Variants in DNAH12 observed in about 807,000 individuals in gnomAD.
DNAH12 encodes axonemal beta dynein heavy chain 12.
DNAH12 carries 285 observed loss-of-function variants against 371.5 expected under a neutral mutation model. That is an observed-to-expected ratio of 0.77 (90% CI 0.70 to 0.85). The LOEUF is 0.85. Ranked by LOEUF, DNAH12 falls within the 40% of genes least tolerant of loss-of-function variation. The pLI, the probability that DNAH12 is intolerant of heterozygous loss-of-function variation, is 0.00. For missense variants in DNAH12, 3,611 were observed against 3,689.4 expected, an observed-to-expected ratio of 0.98 and a Z score of 0.55; for synonymous variants, 1,200 against 1,213.0, an observed-to-expected ratio of 0.99 and a Z score of 0.22.
chr3:57,347,219 A>C (rs1559575747), intron 60 of DNAH12, among the ~76,000 whole-genome samples: 2 of 152,220 alleles, frequency 1.3e-5, no homozygotes, highest in African/African-American at 2.4e-5. Context: ...CCTCAACAAA[A>C]GGAACAAAAT....
Position 57,314,584 on chromosome 3 carries a change from C to A in DNAH12, c.10572G>T (p.Val3524=), listed in dbSNP as rs1359142497. 12 of 1,550,952 alleles carry A rather than the reference C, an allele frequency of 7.7e-6. No homozygotes were observed. Among genetic ancestry groups the A allele is most frequent in the Non-Finnish European group, 9.6e-6 (11 of 1,146,822 alleles). ...LFGVCFFHAL[V]QERKKFGPLG... is the part of the protein sequence containing the mutation. ...GAGGACCAAATTTCTTTCTCTCTTG[C>A]ACAAGGGCATGAAAAAAACAAACTC... The change falls in exon 66 of 74, where the codon GTG becomes GTT. Residue 3524 remains valine (V), a synonymous_variant. Coordinates refer to ENST00000495027, the MANE Select transcript of DNAH12 (RefSeq NM_001366028.2).
chr3:57,538,469 C>T (rs529789774), intron 2 of DNAH12, among the ~76,000 whole-genome samples: 1 of 152,300 alleles, frequency 6.6e-6, no homozygotes, highest in Admixed American at 6.5e-5. Flanking sequence ...CATTCATCAA[C>T]AATAACATGC....
At chr3:57,418,310 T>A (rs62252863) in intron 37 of DNAH12, among the ~76,000 whole-genome samples, 1 of 136,126 alleles carries the variant, frequency 7.3e-6, no homozygotes, top group African/African-American at 2.6e-5. Context: ...GAGGCTGAGG[T>A]GGGTGGATTG....
At position 57,501,312 on chromosome 3, in the gene DNAH12, A is replaced by G. The variant is rs749936732; in HGVS notation, c.1335+9T>C. 6.3e-7 allele frequency: 1 copy of G among 1,596,102 alleles called. No homozygotes were observed. Among genetic ancestry groups the G allele is most frequent in the Non-Finnish European group, 8.5e-7 (1 of 1,172,214 alleles). ...AAAACGCATTAATAAAAACAGAATT[A>G]CCGCTTACCTCTGTATATTCATCAA... On this transcript the variant is annotated intron_variant, in intron 11 of 73. Transcript: ENST00000495027.
At chr3:57,369,636 C>T (rs904853615) in intron 55 of DNAH12, among the ~76,000 whole-genome samples, 1 of 152,034 alleles carries the variant, frequency 6.6e-6, no homozygotes, top group East Asian at 1.9e-4. Context: ...ATCTACTTTT[C>T]CTACCACAGC....
chr3:57,555,722 T>C, the DNAH12 span, among the ~76,000 whole-genome samples: 2 of 152,266 alleles, frequency 1.3e-5, no homozygotes, highest in Non-Finnish European at 2.9e-5. Flanking sequence ...GTTTCTCGCA[T>C]AGTCTGCGCT....
At chr3:57,448,484 G>GA (rs2065614450) in intron 25 of DNAH12, among the ~76,000 whole-genome samples, 1 of 152,158 alleles carries the variant, frequency 6.6e-6, no homozygotes. Flanking sequence ...TGGTCTCGCT[G>GA]GCTTCAGGAG....
Position 57,454,783 on chromosome 3 carries a change from C to T in DNAH12, c.3448G>A (p.Gly1150Arg), listed in dbSNP as rs200866016. The change falls in exon 23 of 74, where the codon GGG becomes AGG. Residue 1150 changes from glycine to arginine, a missense_variant. Around this residue, in one of 3 missense-constraint regions of DNAH12, gnomAD observed 1,314 missense variants for 1,398.7 expected, o/e 0.94. Coordinates refer to ENST00000495027, the MANE Select transcript of DNAH12 (RefSeq NM_001366028.2). ...AGCAAACAATGCTTTACCTCCGTCC[C>T]GCCACTTATCACTTCCTGTGTCTCA... Reference protein sequence around the residue: ...TSETQEVISGGTEGLKKYYKE... With the variant: ...TSETQEVISGRTEGLKKYYKE... 3.4e-5 allele frequency: 52 copies of T among 1,551,076 alleles called. No individual in the cohort carries two copies. The highest frequency in any genetic ancestry group is 4.0e-5 in the Non-Finnish European group (46 of 1,146,742).
intron 69 of DNAH12, among the ~76,000 whole-genome samples, chr3:57,307,198 C>G (rs546273661): frequency 3.4e-4 from 51 of 149,760 alleles, no homozygotes; most frequent in African/African-American, 1.2e-3. Flanking sequence ...AAAACAACAA[C>G]TCCTTTCCTT....
chr3:57,299,780 C>T (rs2061308233), intron 70 of DNAH12, among the ~76,000 whole-genome samples: 1 of 105,554 alleles, frequency 9.5e-6, no homozygotes, highest in African/African-American at 4.3e-5. Context: ...TGATCTCAGA[C>T]TTTCCAGCCT....
intron 25 of DNAH12, 141 bp from the exon 26 acceptor site, chr3:57,446,830 A>C: frequency 2.2e-6 from 2 of 900,010 alleles, no homozygotes; most frequent in Non-Finnish European, 3.0e-6. Context: ...TTTTAGCCCA[A>C]ATTTTTCTAG....
Position 57,498,892 on chromosome 3 carries a change from G to A in DNAH12, c.1335+2429C>T, listed in dbSNP as rs111898897. 6.7e-3 allele frequency among the ~76,000 whole-genome samples: 1,012 copies of A among 152,042 alleles called. 12 individuals carry two copies. The highest frequency in any genetic ancestry group is 0.023 in the African/African-American group (939 of 41,466). On this transcript the variant is annotated intron_variant, in intron 11 of 73. Coordinates refer to ENST00000495027, the MANE Select transcript of DNAH12 (RefSeq NM_001366028.2). ...TGGGTGCCTGTAATCCCAGCTACTC[G>A]GGCGGCTGAAGCAGGAGAATGGCTT...
intron 45 of DNAH12, among the ~76,000 whole-genome samples, chr3:57,387,587 C>T (rs36138202): frequency 6.6e-6 from 1 of 152,058 alleles, no homozygotes; most frequent in East Asian, 1.9e-4. Context: ...GCCCCTTCTT[C>T]CTTAGGACTC....
chr3:57,549,281 T>G (rs2069599995), upstream of DNAH12, among the ~76,000 whole-genome samples: 1 of 151,934 alleles, frequency 6.6e-6, no homozygotes, highest in Non-Finnish European at 1.5e-5. Flanking sequence ...TTTAGGAGAT[T>G]GAGGCAGGCA....
At chr3:57,329,905 C>T (rs113565781) in intron 62 of DNAH12, among the ~76,000 whole-genome samples, 1,582 of 152,186 alleles carry the variant, frequency 0.01, 19 homozygotes, top group African/African-American at 0.036. Flanking sequence ...GGGCAAAGGA[C>T]ATGAACAGAC....
intron 62 of DNAH12, among the ~76,000 whole-genome samples, chr3:57,326,241 C>T (rs1407761101): frequency 6.6e-6 from 1 of 151,724 alleles, no homozygotes; most frequent in Admixed American, 6.6e-5. Context: ...AAGAGCAACT[C>T]CAAGACACAT....
At chr3:57,345,680 G>C (rs2062523935) in intron 60 of DNAH12, among the ~76,000 whole-genome samples, 4 of 152,124 alleles carry the variant, frequency 2.6e-5, no homozygotes, top group African/African-American at 9.6e-5. Context: ...GTTATGATTT[G>C]ATGCTGCATC....
At chr3:57,361,420 A>ACT (rs2062927148) in intron 58 of DNAH12, among the ~76,000 whole-genome samples, 1 of 139,750 alleles carries the variant, frequency 7.2e-6, no homozygotes, top group African/African-American at 2.8e-5. Flanking sequence ...ATACACACAC[A>ACT]CTATATATAT....
chr3:57,332,505 G>C (rs574676140), intron 62 of DNAH12, among the ~76,000 whole-genome samples: 1 of 152,332 alleles, frequency 6.6e-6, no homozygotes, highest in East Asian at 1.9e-4. Context: ...AAAACAAACT[G>C]AACGCTATTC....
Sources: allele counts gnomAD v4.1 joint callset (sites outside exome capture counted in the v4.1 genomes callset), GRCh38; gene constraint gnomAD v4.1.1; regional missense constraint gnomAD v4.1.1; transcripts MANE v1.5; gene names NCBI Gene and HGNC (gene_info 2026-07-23, HGNC 2026-07-21).